The following PCDHA12 variants were observed in gnomAD, a reference collection of about 807,000 sequenced individuals.
The protein encoded by PCDHA12 is protocadherin alpha-12.
In PCDHA12, 44 loss-of-function variants were observed where a neutral mutation model predicts 60.0. That is an observed-to-expected ratio of 0.73 (90% CI 0.58 to 0.94). PCDHA12 has a LOEUF of 0.94. PCDHA12 is among the 40% of genes least tolerant of loss of function. The probability of loss-of-function intolerance (pLI) is 0.00; values close to 1 mark genes in which losing one functional copy is unlikely to be tolerated. For missense variants in PCDHA12, 1,276 were observed against 1,239.7 expected (o/e 1.03, Z -0.44); for synonymous variants, 569 against 553.0 (o/e 1.03, Z -0.40).
At chr5:140,979,350 A>T (rs113796939) in intron 2 of PCDHA12, among the ~76,000 whole-genome samples, 1,685 of 150,698 alleles carry the variant, frequency 0.011, 22 homozygotes, top group East Asian at 0.044. Flanking sequence ...TGTAATTAAT[A>T]CTCATGCTTT....
At chr5:140,900,130 C>T (rs1156261230) in intron 1 of PCDHA12, among the ~76,000 whole-genome samples, 1 of 152,084 alleles carries the variant, frequency 6.6e-6, no homozygotes, top group East Asian at 1.9e-4. Flanking sequence ...TTTTAGGTAC[C>T]ACAAATAAGT....
At chr5:140,965,496 A>AT (rs71766133) in intron 1 of PCDHA12, among the ~76,000 whole-genome samples, 6,292 of 146,438 alleles carry the variant, frequency 0.043, 368 homozygotes, top group African/African-American at 0.14. Flanking sequence ...ATGACAGCAG[A>AT]TTTTTTTTTT....
At chr5:140,969,146 AAGGCCTGTCTGACAGC>A in intron 1 of PCDHA12, 1 of 1,614,170 alleles carries the variant, frequency 6.2e-7, no homozygotes, top group Non-Finnish European at 8.5e-7. Flanking sequence ...CTACTGCTAC[AAGGCCTGTCTGACAGC>A]AGGCTCAGGG....
At position 140,876,399 on chromosome 5, in the gene PCDHA12, T is replaced by C. The variant is rs141337647; in HGVS notation, c.927T>C (p.Asp309=). The C allele has an allele frequency of 1.9e-4, 306 of 1,613,906 alleles. 1 individual carries two copies. In the African/African-American group the frequency reaches 3.4e-3, roughly 18 times the overall value. Residue 309 remains aspartate (D), a synonymous_variant, in exon 1 of 4, where the codon GAT becomes GAC. Transcript: ENST00000398631. Reference sequence around the variant, plus strand: ...AAATTAGAATTTATGGTGAACTGGATTTTGAAGAGAATAATGCCTATGAAA... The same window carrying C: ...AAATTAGAATTTATGGTGAACTGGACTTTGAAGAGAATAATGCCTATGAAA... ...TGEIRIYGEL[D]FEENNAYEIQ... is the part of the protein sequence containing the mutation.
intron 1 of PCDHA12, among the ~76,000 whole-genome samples, chr5:140,900,317 G>A (rs188830675): frequency 3.3e-4 from 50 of 151,512 alleles, no homozygotes; most frequent in Non-Finnish European, 6.2e-4. Context: ...CACTTTTGTC[G>A]CCCAGGCTGG....
chr5:140,887,047 C>G (rs530605993), intron 1 of PCDHA12, among the ~76,000 whole-genome samples: 1 of 151,882 alleles, frequency 6.6e-6, no homozygotes, highest in African/African-American at 2.4e-5. Flanking sequence ...TTTTATAGTG[C>G]ATATGTTCTG....
chr5:140,907,690 G>C (rs761914004), intron 1 of PCDHA12, among the ~76,000 whole-genome samples: 1 of 152,196 alleles, frequency 6.6e-6, no homozygotes, highest in African/African-American at 2.4e-5. Context: ...TTGGTGAGTG[G>C]AAGTCCCTGT....
In PCDHA12 at chr5:140,982,530, C is replaced by G; in HGVS notation, c.2482C>G (p.Gln828Glu). The G allele has an allele frequency of 1.2e-6, 2 of 1,614,200 alleles. No homozygotes were observed. The highest frequency in any genetic ancestry group is 3.3e-5 in the Admixed American group (2 of 60,020). ...ILRAGPGGPDQQWPTVSSATP... is the reference protein window; with the variant it reads ...ILRAGPGGPDEQWPTVSSATP... ...ACGGGCTGGTCCAGGAGGGCCTGATCAGCAGTGGCCAACAGTATCCAGTGC... is the reference window on the plus strand; with the variant it reads ...ACGGGCTGGTCCAGGAGGGCCTGATGAGCAGTGGCCAACAGTATCCAGTGC... The change falls in exon 3 of 4, where the codon CAG (glutamine) becomes GAG (glutamate). Residue 828 changes from glutamine to glutamate, a missense_variant. By Grantham distance (29) the Gln-to-Glu change is conservative. Transcript: ENST00000398631.
chr5:140,986,236 T>C (rs1213371307), intron 3 of PCDHA12, among the ~76,000 whole-genome samples: 1 of 152,170 alleles, frequency 6.6e-6, no homozygotes. Flanking sequence ...CCCCTCTGTG[T>C]GAGCAGACCC....
At chr5:140,883,597 G>T (rs2059691205) in intron 1 of PCDHA12, 3 of 1,614,004 alleles carry the variant, frequency 1.9e-6, no homozygotes, top group Middle Eastern at 1.7e-4. Context: ...GCGTGTCGGT[G>T]GGGGTGGCCG....
In PCDHA12 at chr5:141,003,093, C is replaced by T. The variant is rs80317990; in HGVS notation, c.2516-6534C>T. 2.0e-4 allele frequency among the ~76,000 whole-genome samples: 30 copies of T among 152,330 alleles called. No individual in the cohort carries two copies. The East Asian group carries it at 5.4e-3, about 27-fold the overall frequency. ...ATGAGGGTGAGTTTAACAGGCCTGG[C>T]ATTTGCTTCACAATCTTCTGGCCCT... On this transcript the variant is annotated intron_variant, in intron 3 of 3. Coordinates refer to ENST00000398631, the MANE Select transcript of PCDHA12 (RefSeq NM_018903.4).
At chr5:140,968,020 C>G (rs1554230190) in intron 1 of PCDHA12, 1 of 1,614,202 alleles carries the variant, frequency 6.2e-7, no homozygotes, top group Non-Finnish European at 8.5e-7. Context: ...TTGGAAACTC[C>G]TATACACTGG....
intron 1 of PCDHA12, among the ~76,000 whole-genome samples, chr5:140,972,784 C>T (rs2096555970): frequency 1.3e-5 from 2 of 151,762 alleles, no homozygotes; most frequent in South Asian, 4.2e-4. Context: ...CTGCCTCAGC[C>T]TCCTGAGTAG....
At chr5:140,902,189 C>T (rs2069172292) in intron 1 of PCDHA12, among the ~76,000 whole-genome samples, 1 of 145,890 alleles carries the variant, frequency 6.9e-6, no homozygotes, top group African/African-American at 2.6e-5. Flanking sequence ...TATGTCTTCT[C>T]TCTCTCTCTC....
chr5:140,943,620 A>G (rs1285848217), intron 1 of PCDHA12, among the ~76,000 whole-genome samples: 1 of 152,200 alleles, frequency 6.6e-6, no homozygotes, highest in Non-Finnish European at 1.5e-5. Context: ...ATTCATCTGC[A>G]TAAGGAAGCT....
intron 1 of PCDHA12, among the ~76,000 whole-genome samples, chr5:140,937,093 A>G (rs1466127180): frequency 6.8e-6 from 1 of 146,414 alleles, no homozygotes; most frequent in African/African-American, 2.6e-5. Context: ...GCTGGAGTGC[A>G]GTGGCGCAGT....
chr5:140,958,204 G>T (rs2095413529), intron 1 of PCDHA12, among the ~76,000 whole-genome samples: 2 of 152,042 alleles, frequency 1.3e-5, no homozygotes, highest in South Asian at 2.1e-4. Flanking sequence ...AGTATACAAG[G>T]GAATTAGATT....
intron 1 of PCDHA12, among the ~76,000 whole-genome samples, chr5:140,969,746 T>C (rs1353204080): frequency 6.6e-6 from 1 of 152,224 alleles, no homozygotes; most frequent in African/African-American, 2.4e-5. Context: ...ATGAGTGATG[T>C]TTCTTAAAAA....
chr5:140,918,585 T>A (rs147777186), intron 1 of PCDHA12, among the ~76,000 whole-genome samples: 51 of 152,368 alleles, frequency 3.3e-4, no homozygotes, highest in African/African-American at 9.9e-4. Context: ...ATTGGCTATA[T>A]GTTCTATAGA....
Sources: allele counts gnomAD v4.1 joint callset (sites outside exome capture counted in the v4.1 genomes callset), GRCh38; gene constraint gnomAD v4.1.1; transcripts MANE v1.5; gene names NCBI Gene and HGNC (gene_info 2026-07-23, HGNC 2026-07-21).